Variants in TAOK1 observed in about 807,000 individuals in gnomAD.
TAOK1 encodes serine/threonine-protein kinase TAO1.
In TAOK1, 21 loss-of-function variants were observed where a neutral mutation model predicts 138.3. The observed-to-expected ratio is 0.15, with a 90% CI of 0.11 to 0.22. The LOEUF is 0.22. Among genes scored for constraint, TAOK1 ranks in the 10% least tolerant of loss-of-function variants. The probability of loss-of-function intolerance (pLI) is 1.00; values close to 1 mark genes in which losing one functional copy is unlikely to be tolerated. For synonymous variants in TAOK1, 361 were observed against 398.4 expected, an observed-to-expected ratio of 0.91 and a Z score of 1.12; for missense variants, 651 against 1,227.7, an observed-to-expected ratio of 0.53 and a Z score of 7.02.
chr17:29,409,138 CTA>C (rs1905076051), intron 1 of TAOK1, among the ~76,000 whole-genome samples: 1 of 151,720 alleles, frequency 6.6e-6, no homozygotes, highest in Non-Finnish European at 1.5e-5. Context: ...TGATATTTAT[CTA>C]TGTTGCGTGT....
rs138428350 is a variant in TAOK1, at chr17:29,528,250, G to A, written c.2149-2157G>A. 3.9e-3 allele frequency among the ~76,000 whole-genome samples: 591 copies of A among 152,062 alleles called. 5 individuals are homozygous for A. Among genetic ancestry groups the A allele is most frequent in the African/African-American group, 0.013 (547 of 41,472 alleles). The stretch of plus-strand genomic sequence containing the variant: ...TTTTTAGTAGAGACAGAGTTTCACC[G>A]TGTTGGCCAGGCTGGTCTCAAACTC... On this transcript the variant is annotated intron_variant, in intron 17 of 19. Coordinates refer to ENST00000261716, the MANE Select transcript of TAOK1 (RefSeq NM_020791.4).
chr17:29,476,538 A>G (rs1162044393), intron 4 of TAOK1, among the ~76,000 whole-genome samples: 3 of 152,228 alleles, frequency 2.0e-5, no homozygotes, highest in African/African-American at 7.2e-5. Context: ...TGGTTACTAT[A>G]TAAAAAATAC....
At chr17:29,449,937 T>C (rs145355324) in intron 1 of TAOK1, among the ~76,000 whole-genome samples, 11 of 152,332 alleles carry the variant, frequency 7.2e-5, no homozygotes, top group African/African-American at 2.4e-4. Context: ...ACACTTACTG[T>C]AGTGCTTATT....
chr17:29,504,956 A>C (rs2031605248), intron 13 of TAOK1, among the ~76,000 whole-genome samples: 1 of 152,190 alleles, frequency 6.6e-6, no homozygotes, highest in Non-Finnish European at 1.5e-5. Flanking sequence ...AGCTCAAAGG[A>C]AAACCTCTTG....
chr17:29,463,459 T>A (rs2030578232), intron 2 of TAOK1, among the ~76,000 whole-genome samples: 1 of 151,874 alleles, frequency 6.6e-6, no homozygotes. Flanking sequence ...TAATCCCAGC[T>A]ACTCCGGGGG....
chr17:29,438,260 T>C (rs1347593274), intron 1 of TAOK1, among the ~76,000 whole-genome samples: 3 of 152,246 alleles, frequency 2.0e-5, no homozygotes, highest in Non-Finnish European at 4.4e-5. Flanking sequence ...ATATCATTTT[T>C]ATATGAATTC....
intron 6 of TAOK1, 61 bp downstream of exon 6, chr17:29,478,408 G>T (rs1318550041): frequency 8.5e-6 from 10 of 1,174,828 alleles, no homozygotes; most frequent in Non-Finnish European, 1.2e-5. Context: ...ACCAACTTTA[G>T]AATTTATTAA....
chr17:29,407,772 A>G (rs570444951), intron 1 of TAOK1, among the ~76,000 whole-genome samples: 1 of 152,272 alleles, frequency 6.6e-6, no homozygotes, highest in African/African-American at 2.4e-5. Flanking sequence ...TTTTGAAGAC[A>G]CGTTGGGGTG....
chr17:29,538,053 A>G (rs555856956), intron 19 of TAOK1, among the ~76,000 whole-genome samples: 4 of 148,904 alleles, frequency 2.7e-5, no homozygotes, highest in African/African-American at 7.4e-5. Flanking sequence ...CAGAGGTTGC[A>G]GTGAGCTGAG....
intron 1 of TAOK1, among the ~76,000 whole-genome samples, chr17:29,439,198 T>A (rs1027203155): frequency 2.5e-5 from 3 of 117,730 alleles, no homozygotes; most frequent in African/African-American, 1.2e-4. Context: ...ATAATTTCTT[T>A]CTTTTTTTTT....
At chr17:29,433,072 G>A (rs989445707) in intron 1 of TAOK1, among the ~76,000 whole-genome samples, 1 of 152,134 alleles carries the variant, frequency 6.6e-6, no homozygotes, top group Non-Finnish European at 1.5e-5. Flanking sequence ...CCTTACCATA[G>A]TTATCTTTTT....
At chr17:29,445,060 A>G (rs2030042637) in intron 1 of TAOK1, among the ~76,000 whole-genome samples, 1 of 152,200 alleles carries the variant, frequency 6.6e-6, no homozygotes, top group African/African-American at 2.4e-5. Flanking sequence ...AACTTCTAGT[A>G]CAGCGTTGAT....
At chr17:29,465,386 G>A (rs767930496) in intron 2 of TAOK1, among the ~76,000 whole-genome samples, 1 of 151,762 alleles carries the variant, frequency 6.6e-6, no homozygotes, top group Non-Finnish European at 1.5e-5. Context: ...TCCTGACCTC[G>A]CAATCCGCGC....
intron 2 of TAOK1, 172 bp downstream of exon 2, chr17:29,451,852 G>A (rs564673644): frequency 5.4e-6 from 3 of 551,116 alleles, no homozygotes; most frequent in Admixed American, 3.5e-5. Context: ...GTGTGTCTGT[G>A]TGTAAAATTC....
In TAOK1 at chr17:29,396,961, T is replaced by A. The variant is rs1466481143; in HGVS notation, c.-95+5937T>A. ...GAGCTGAGATTGTGCCACTGCACTCTAGCTGGGCAACAGAGTACAACTCTG... is the reference window on the plus strand; with the variant it reads ...GAGCTGAGATTGTGCCACTGCACTCAAGCTGGGCAACAGAGTACAACTCTG... On this transcript the variant is annotated intron_variant, in intron 1 of 19. Transcript: ENST00000261716. Among the ~76,000 whole-genome samples the A allele has an allele frequency of 2.5e-5, 3 of 119,978 alleles. No homozygotes were observed. In the South Asian group the frequency reaches 7.9e-4, roughly 32 times the overall value. The allele number at this position is 119,978 out of a possible 152,430, so 78.7% of individuals were successfully genotyped here.
At chr17:29,504,305 G>GAAGAA (rs960437038) in intron 13 of TAOK1, among the ~76,000 whole-genome samples, 5 of 138,824 alleles carry the variant, frequency 3.6e-5, no homozygotes, top group Non-Finnish European at 6.3e-5. Context: ...AAAAGGAAAG[G>GAAGAA]AAGAAAAGAA....
rs895928274 is a variant in TAOK1 at position 29,549,399 on chromosome 17, G to A, written c.*6377G>A. 1 of 152,208 alleles carries A rather than the reference G, an allele frequency of 6.6e-6. No individual in the cohort carries two copies. Among genetic ancestry groups the A allele is most frequent in the Admixed American group, 6.5e-5 (1 of 15,280 alleles). The allele number at this position is 152,208 out of a possible 1,614,324, so 9.4% of individuals were successfully genotyped here. A position where few individuals can be genotyped will look rare whatever the true frequency, so the allele number is the denominator to read the frequency against. ...TCAGTGGTTTAGAAATGAGATACCA[G>A]TGTTAATGAAAAGTGTGTGCTCTTT... On this transcript the variant is annotated 3_prime_UTR_variant, in exon 20 of 20. Transcript: ENST00000261716.
chr17:29,482,389 C>A, intron 8 of TAOK1, 101 bp downstream of exon 8: 1 of 960,178 alleles, frequency 1.0e-6, no homozygotes, highest in South Asian at 1.5e-5. Context: ...TCTTAAATGT[C>A]ACTTTATAAG....
Position 29,545,317 on chromosome 17 carries a change from A to G in TAOK1, c.*2295A>G, listed in dbSNP as rs2032385198. ...GCTTTAGAATTTAATAAAATGTCAA[A>G]AATACAATTTGATACCCTTAAAAAT... is the stretch of plus-strand genomic sequence containing the variant. On this transcript the variant is annotated 3_prime_UTR_variant, in exon 20 of 20. Transcript: ENST00000261716. 6.6e-6 allele frequency: 1 copy of G among 152,218 alleles called. No homozygotes were observed. Among genetic ancestry groups the G allele is most frequent in the African/African-American group, 2.4e-5 (1 of 41,460 alleles). The allele number at this position is 152,218 out of a possible 1,614,324, so 9.4% of individuals were successfully genotyped here. A position where few individuals can be genotyped will look rare whatever the true frequency, so the allele number is the denominator to read the frequency against.
Sources: allele counts gnomAD v4.1 joint callset (sites outside exome capture counted in the v4.1 genomes callset), GRCh38; gene constraint gnomAD v4.1.1; transcripts MANE v1.5; gene names NCBI Gene and HGNC (gene_info 2026-07-23, HGNC 2026-07-21).